PTPRN2: variants seen among roughly 807,000 people sequenced by gnomAD.
PTPRN2 encodes the protein protein tyrosine phosphatase receptor type N2, also known as receptor-type tyrosine-protein phosphatase N2.
PTPRN2 carries 74 observed loss-of-function variants against 118.8 expected under a neutral mutation model. That is an observed-to-expected ratio of 0.62 (90% CI 0.52 to 0.76). PTPRN2 has a LOEUF of 0.76. Among genes scored for constraint, PTPRN2 ranks in the 30% least tolerant of loss-of-function variants. The probability of loss-of-function intolerance (pLI) is 0.00; values close to 1 mark genes in which losing one functional copy is unlikely to be tolerated. For missense variants in PTPRN2, 1,481 were observed against 1,394.4 expected (o/e 1.06, Z -0.99); for synonymous variants, 641 against 608.0 (o/e 1.05, Z -0.80).
intron 11 of PTPRN2, among the ~76,000 whole-genome samples, chr7:157,920,360 A>G (rs1798629974): frequency 1.3e-5 from 2 of 152,212 alleles, no homozygotes; most frequent in South Asian, 4.1e-4. Flanking sequence ...AAGATTCTCA[A>G]GTCAGCACCT....
intron 17 of PTPRN2, among the ~76,000 whole-genome samples, chr7:157,581,966 C>T (rs984987966): frequency 3.2e-4 from 48 of 152,346 alleles, no homozygotes; most frequent in East Asian, 1.2e-3. Context: ...TCATGGCAGG[C>T]GGCCACGGGA....
intron 13 of PTPRN2, among the ~76,000 whole-genome samples, chr7:157,666,383 C>T (rs554716595): frequency 9.9e-5 from 15 of 152,036 alleles, no homozygotes; most frequent in Admixed American, 7.2e-4. Flanking sequence ...GTGAGAAGGA[C>T]GCATTTGCAA....
intron 12 of PTPRN2, among the ~76,000 whole-genome samples, chr7:157,838,044 C>T (rs374665059): frequency 1.3e-4 from 19 of 147,132 alleles, no homozygotes; most frequent in East Asian, 1.0e-3. Flanking sequence ...AGCTCCTCTC[C>T]GCCGTGCCTA....
In PTPRN2 at chr7:158,169,893, T is replaced by C. The variant is rs965873558; in HGVS notation, c.550-2602A>G. Among the ~76,000 whole-genome samples, 18 of 151,764 alleles carry C rather than the reference T, an allele frequency of 1.2e-4. No individual in the cohort carries two copies. In the East Asian group the frequency reaches 3.5e-3, roughly 30 times the overall value. ...TTTTAGTAGAGATGGGGTTTCGCCATGTTGGCCAGGCTGGTCTCGAACTCC... is the reference window on the plus strand; with the variant it reads ...TTTTAGTAGAGATGGGGTTTCGCCACGTTGGCCAGGCTGGTCTCGAACTCC... On this transcript the variant is annotated intron_variant, in intron 5 of 22. Coordinates refer to ENST00000389418, the MANE Select transcript of PTPRN2 (RefSeq NM_002847.5).
chr7:158,340,952 G>C (rs1165562824), intron 2 of PTPRN2, among the ~76,000 whole-genome samples: 2 of 83,656 alleles, frequency 2.4e-5, no homozygotes, highest in Non-Finnish European at 5.2e-5. Flanking sequence ...CTCACCATAA[G>C]AGCTGACGCC....
intron 14 of PTPRN2, among the ~76,000 whole-genome samples, chr7:157,625,060 A>C (rs764272581): frequency 6.6e-6 from 1 of 152,216 alleles, no homozygotes; most frequent in Admixed American, 6.5e-5. Context: ...GAATGGCCAT[A>C]ACCAAAAAAT....
intron 1 of PTPRN2, among the ~76,000 whole-genome samples, chr7:158,562,344 T>C (rs1027832716): frequency 2.6e-5 from 4 of 152,098 alleles, no homozygotes; most frequent in East Asian, 1.9e-4. Flanking sequence ...CTTTGAGACC[T>C]TGTCACCTCC....
chr7:158,394,366 G>A (rs1812168453), intron 2 of PTPRN2, among the ~76,000 whole-genome samples: 1 of 152,180 alleles, frequency 6.6e-6, no homozygotes, highest in African/African-American at 2.4e-5. Context: ...CACAGGGAGG[G>A]CATTGGAGGC....
chr7:158,136,974 GT>G (rs1401815032), intron 7 of PTPRN2, among the ~76,000 whole-genome samples: 1 of 143,652 alleles, frequency 7.0e-6, no homozygotes, highest in Non-Finnish European at 1.5e-5. Context: ...GATCGACAAA[GT>G]TAACTCACGG....
At chr7:158,466,522 G>T (rs1819399504) in intron 2 of PTPRN2, among the ~76,000 whole-genome samples, 1 of 152,048 alleles carries the variant, frequency 6.6e-6, no homozygotes, top group South Asian at 2.1e-4. Flanking sequence ...CTTTTTTAAG[G>T]CTGAATAGTA....
chr7:158,451,632 C>T (rs114629050), intron 2 of PTPRN2, among the ~76,000 whole-genome samples: 2,800 of 152,222 alleles, frequency 0.018, 78 homozygotes, highest in African/African-American at 0.054. Flanking sequence ...TACCTAACTC[C>T]GTCTTGAAGA....
At chr7:158,151,031 C>T (rs114850693) in intron 6 of PTPRN2, among the ~76,000 whole-genome samples, 3 of 145,614 alleles carry the variant, frequency 2.1e-5, no homozygotes, top group Admixed American at 6.7e-5. Context: ...CAGGCCCTGT[C>T]ACTGTCCTGC....
Position 157,779,314 on chromosome 7 carries a change from C to T in PTPRN2, c.1789-96377G>A, listed in dbSNP as rs952411621. Among the ~76,000 whole-genome samples, 1 of 152,208 alleles carries T rather than the reference C, an allele frequency of 6.6e-6. No individual in the cohort carries two copies. Among genetic ancestry groups the T allele is most frequent in the African/African-American group, 2.4e-5 (1 of 41,460 alleles). On this transcript the variant is annotated intron_variant, in intron 12 of 22. Coordinates refer to ENST00000389418, the MANE Select transcript of PTPRN2 (RefSeq NM_002847.5). The surrounding 1 kb of genome is among the most constrained non-coding windows in gnomAD (Gnocchi z 4.7). ...TGGAGGAGGCCTAACTGTTGCTACT[C>T]TTGGTGACCTGAGGTGAAAGGTCAC...
chr7:158,104,585 G>C (rs1302033829), intron 10 of PTPRN2, among the ~76,000 whole-genome samples: 1 of 152,110 alleles, frequency 6.6e-6, no homozygotes, highest in Non-Finnish European at 1.5e-5. Flanking sequence ...TAGTGGAGGA[G>C]AGCTTGAGGA....
intron 10 of PTPRN2, among the ~76,000 whole-genome samples, chr7:158,102,671 C>A (rs1459325551): frequency 6.6e-6 from 1 of 152,152 alleles, no homozygotes; most frequent in Non-Finnish European, 1.5e-5. Context: ...GGGCCTGCAG[C>A]TTTGCGGGTG....
chr7:158,405,046 C>CCCCGGCCCCCAGCTT (rs1813298353), intron 2 of PTPRN2, among the ~76,000 whole-genome samples: 1 of 148,642 alleles, frequency 6.7e-6, no homozygotes, highest in Non-Finnish European at 1.5e-5. Flanking sequence ...GCCCCCAGCT[C>CCCCGGCCCCCAGCTT]CCCGGCCCCC....
chr7:157,805,289 CTGTGTGTGTG>C (rs57161533), intron 12 of PTPRN2, among the ~76,000 whole-genome samples: 1 of 148,690 alleles, frequency 6.7e-6, no homozygotes, highest in Admixed American at 6.7e-5. Context: ...ATATATACTC[CTGTGTGTGTG>C]TGTGTGTGTG....
Position 158,003,925 on chromosome 7 carries a change from C to A in PTPRN2, c.1723+77373G>T, listed in dbSNP as rs865949050. On this transcript the variant is annotated intron_variant, in intron 11 of 22. Coordinates refer to ENST00000389418, the MANE Select transcript of PTPRN2 (RefSeq NM_002847.5). The surrounding 1 kb of genome is among the most constrained non-coding windows in gnomAD (Gnocchi z 5.0). Reference sequence around the variant, plus strand: ...ACTTCATTTACAATTCCACAAGCTACGAAAAATCATTTGCTACTGTCATAG... The same window carrying A: ...ACTTCATTTACAATTCCACAAGCTAAGAAAAATCATTTGCTACTGTCATAG... 6.6e-6 allele frequency among the ~76,000 whole-genome samples: 1 copy of A among 152,136 alleles called. No individual in the cohort carries two copies. The highest frequency in any genetic ancestry group is 6.5e-5 in the Admixed American group (1 of 15,268).
rs138126959 is a variant in PTPRN2, at chr7:157,870,107, G to A, written c.1788+28566C>T. ...CCGCTGTTAAAAATTTCCATTGAAA[G>A]CTCTGCCCTTGGCTGCAGCTCATCT... On this transcript the variant is annotated intron_variant, in intron 12 of 22. Transcript: ENST00000389418. Among the ~76,000 whole-genome samples, 8 of 152,286 alleles carry A rather than the reference G, an allele frequency of 5.3e-5. No homozygotes were observed. In the East Asian group the frequency reaches 1.5e-3, roughly 29 times the overall value.
Sources: allele counts gnomAD v4.1 joint callset (sites outside exome capture counted in the v4.1 genomes callset), GRCh38; gene constraint gnomAD v4.1.1; non-coding constraint Gnocchi (gnomAD v3.1); transcripts MANE v1.5; gene names NCBI Gene and HGNC (gene_info 2026-07-23, HGNC 2026-07-21).